Variants in CTNNA2 observed in about 807,000 individuals in gnomAD.
The protein encoded by CTNNA2 is catenin alpha-2.
A neutral mutation model predicts 101.0 loss-of-function variants in CTNNA2; 42 were observed. The ratio of observed to expected loss-of-function variants is 0.42; its 90% CI spans 0.32 to 0.54. The LOEUF is 0.54. Among genes scored for constraint, CTNNA2 ranks in the 20% least tolerant of loss-of-function variants. The probability of loss-of-function intolerance (pLI) is 0.14; values close to 1 mark genes in which losing one functional copy is unlikely to be tolerated. For synonymous variants in CTNNA2, 450 were observed against 456.4 expected (o/e 0.99, Z 0.18); for missense variants, 871 against 1,223.1 (o/e 0.71, Z 4.29).
chr2:79,916,127 G>A (rs1686186551), intron 7 of CTNNA2, among the ~76,000 whole-genome samples: 2 of 152,328 alleles, frequency 1.3e-5, no homozygotes, highest in South Asian at 4.1e-4. Context: ...GCAACTCCCT[G>A]AAGTCAGCTT....
intron 2 of CTNNA2, 64 bp from the exon 3 acceptor site, chr2:79,744,323 A>C (rs1671492178): frequency 1.4e-6 from 2 of 1,431,090 alleles, no homozygotes; most frequent in African/African-American, 2.9e-5. Context: ...AGAAATTATG[A>C]GATAACATGA....
chr2:79,996,910 C>T (rs942505874), intron 7 of CTNNA2, among the ~76,000 whole-genome samples: 11 of 151,980 alleles, frequency 7.2e-5, no homozygotes, highest in Non-Finnish European at 1.3e-4. Flanking sequence ...GGGGGAGAGT[C>T]GTGATCAGTT....
rs146578857 is a variant in CTNNA2 at position 80,571,476 on chromosome 2, A to G, written c.1742-2687A>G. Among the ~76,000 whole-genome samples, 35 of 152,344 alleles carry G rather than the reference A, an allele frequency of 2.3e-4. 2 individuals carry two copies. Among genetic ancestry groups the G allele is most frequent in the African/African-American group, 8.4e-4 (35 of 41,590 alleles). On this transcript the variant is annotated intron_variant, in intron 12 of 18. Coordinates refer to ENST00000402739, the MANE Select transcript of CTNNA2 (RefSeq NM_001282597.3). ...AAAGATACAAAAAGAACAAAGACTAATAAAACAAATGTCTCTCCTTCCATC... is the reference window on the plus strand; with the variant it reads ...AAAGATACAAAAAGAACAAAGACTAGTAAAACAAATGTCTCTCCTTCCATC...
At chr2:80,104,465 G>T (rs1028926326) in intron 7 of CTNNA2, among the ~76,000 whole-genome samples, 5 of 152,166 alleles carry the variant, frequency 3.3e-5, no homozygotes, top group African/African-American at 4.8e-5. Flanking sequence ...TTTGGTCTTT[G>T]CAGCCAAGAA....
At chr2:80,242,182 C>G (rs751916441) in intron 7 of CTNNA2, among the ~76,000 whole-genome samples, 5 of 152,136 alleles carry the variant, frequency 3.3e-5, no homozygotes, top group African/African-American at 4.8e-5. Flanking sequence ...CTCTCAGATT[C>G]CTTTATTCCA....
intron 7 of CTNNA2, among the ~76,000 whole-genome samples, chr2:80,355,103 C>A (rs943851474): frequency 6.6e-6 from 1 of 152,134 alleles, no homozygotes; most frequent in African/African-American, 2.4e-5. Context: ...TAGTCAGGGG[C>A]CATTTGGCAA....
chr2:80,500,451 C>A (rs1687795941), intron 9 of CTNNA2, among the ~76,000 whole-genome samples: 1 of 152,120 alleles, frequency 6.6e-6, no homozygotes, highest in Non-Finnish European at 1.5e-5. Context: ...ATATATTCAT[C>A]GACCCAACAA....
chr2:80,402,481 C>A (rs926335738), intron 8 of CTNNA2, among the ~76,000 whole-genome samples: 1 of 152,050 alleles, frequency 6.6e-6, no homozygotes, highest in African/African-American at 2.4e-5. Context: ...CTGGGGCTAT[C>A]CAGGAGCCCA....
At chr2:79,387,196 T>C (rs963548886) in intron 4 of CTNNA2, among the ~76,000 whole-genome samples, 7 of 152,236 alleles carry the variant, frequency 4.6e-5, no homozygotes, top group African/African-American at 1.4e-4. Context: ...TCCTATATGA[T>C]AAGTCCAGCC....
intron 2 of CTNNA2, among the ~76,000 whole-genome samples, chr2:79,242,443 T>C (rs1049904123): frequency 6.6e-6 from 1 of 152,158 alleles, no homozygotes; most frequent in African/African-American, 2.4e-5. Flanking sequence ...GGGGCCGTCT[T>C]GTGGAGACTA....
intron 7 of CTNNA2, chr2:80,313,551 G>A (rs747259899): frequency 1.1e-5 from 18 of 1,610,098 alleles, no homozygotes; most frequent in Middle Eastern, 1.6e-4. Context: ...GAAGGAAGAC[G>A]AATTGACCAG....
At chr2:80,566,266 C>G (rs1213241675) in intron 12 of CTNNA2, among the ~76,000 whole-genome samples, 5 of 152,152 alleles carry the variant, frequency 3.3e-5, no homozygotes, top group Admixed American at 3.3e-4. Context: ...AAGCCAGCAT[C>G]ATTTTTCATT....
At chr2:79,603,990 TG>T (rs1677718303) in intron 1 of CTNNA2, among the ~76,000 whole-genome samples, 1 of 152,248 alleles carries the variant, frequency 6.6e-6, no homozygotes, top group South Asian at 2.1e-4. Flanking sequence ...GACCCTGACT[TG>T]GGGGACAGCA....
chr2:80,647,488 CA>C (rs1674234585), intron 18 of CTNNA2, 96 bp from the exon 19 acceptor site: 2 of 1,098,038 alleles, frequency 1.8e-6, no homozygotes, highest in African/African-American at 3.2e-5. Context: ...TTTATTTGCA[CA>C]AGGAAAACAT....
chr2:80,300,949 G>GA (rs34426087), intron 7 of CTNNA2, among the ~76,000 whole-genome samples: 1,742 of 129,936 alleles, frequency 0.013, 23 homozygotes, highest in African/African-American at 0.023. Flanking sequence ...TCTCAACACA[G>GA]AAAAAAAAAA....
At chr2:79,293,586 C>A (rs1339098988) in intron 2 of CTNNA2, among the ~76,000 whole-genome samples, 2 of 152,106 alleles carry the variant, frequency 1.3e-5, no homozygotes, top group African/African-American at 4.8e-5. Flanking sequence ...TTGGAAGAGA[C>A]TTTGCTGAGG....
At chr2:80,616,532 C>T (rs890448755) in intron 17 of CTNNA2, 3 of 151,666 alleles carry the variant, frequency 2.0e-5, no homozygotes, top group African/African-American at 7.3e-5. Flanking sequence ...TTTTATTAAC[C>T]TCAAAGATTT....
At chr2:80,472,887 G>A (rs1001674045) in intron 9 of CTNNA2, among the ~76,000 whole-genome samples, 10 of 152,110 alleles carry the variant, frequency 6.6e-5, no homozygotes, top group Non-Finnish European at 1.5e-4. Flanking sequence ...GTCATTACAC[G>A]TGTCAAAGGG....
At chr2:79,401,611 G>A (rs1678291113) in intron 4 of CTNNA2, among the ~76,000 whole-genome samples, 1 of 151,266 alleles carries the variant, frequency 6.6e-6, no homozygotes, top group East Asian at 1.9e-4. Flanking sequence ...AAGAACAAAT[G>A]TTAAAGTAAA....
Sources: gnomAD v4.1 joint callset for allele counts (sites outside exome capture counted in the v4.1 genomes callset) on GRCh38, gnomAD v4.1.1 for gene constraint, MANE v1.5 for transcripts, NCBI Gene and HGNC (gene_info 2026-07-23, HGNC 2026-07-21) for gene names.